The following MMUT variants were observed in gnomAD, a reference collection of about 807,000 sequenced individuals.
The protein encoded by MMUT is methylmalonyl-CoA mutase, mitochondrial.
A neutral mutation model predicts 79.9 loss-of-function variants in MMUT; 79 were observed. That is an observed-to-expected ratio of 0.99 (90% CI 0.82 to 1.19). The LOEUF is 1.19. MMUT is among the 50% of genes most tolerant of loss of function. The pLI is 0.00. For synonymous variants in MMUT, 273 were observed against 295.7 expected (o/e 0.92, Z 0.79); for missense variants, 860 against 917.2 (o/e 0.94, Z 0.81).
intron 5 of MMUT, 45 bp downstream of exon 5, chr6:49,453,539 TA>T (rs1342993946): frequency 2.0e-5 from 22 of 1,074,698 alleles, no homozygotes; most frequent in Non-Finnish European, 2.7e-5. Context: ...AAAAAATATA[TA>T]TATATAACTT....
intron 2 of MMUT, among the ~76,000 whole-genome samples, chr6:49,458,702 T>C (rs1767757139): frequency 6.6e-6 from 1 of 152,218 alleles, no homozygotes; most frequent in African/African-American, 2.4e-5. Flanking sequence ...ACTGAATATG[T>C]TTGTACCACG....
chr6:49,433,160 C>G (rs1046368762), intron 12 of MMUT, among the ~76,000 whole-genome samples: 23 of 152,122 alleles, frequency 1.5e-4, no homozygotes, highest in African/African-American at 5.6e-4. Context: ...GTAGATGATA[C>G]AGAGTTTAAG....
At chr6:49,453,410 T>A (rs1767606224) in intron 5 of MMUT, among the ~76,000 whole-genome samples, 175 bp downstream of exon 5, 1 of 151,954 alleles carries the variant, frequency 6.6e-6, no homozygotes, top group South Asian at 2.1e-4. Context: ...TATTTATTTA[T>A]TTATTATATT....
intron 12 of MMUT, among the ~76,000 whole-genome samples, chr6:49,433,706 C>T (rs1021210301): frequency 9.2e-5 from 14 of 152,144 alleles, no homozygotes; most frequent in African/African-American, 3.4e-4. Context: ...AACTGTTAAG[C>T]TCCACATGGC....
intron 11 of MMUT, among the ~76,000 whole-genome samples, chr6:49,438,774 G>A (rs1767197937): frequency 6.6e-6 from 1 of 152,090 alleles, no homozygotes. Flanking sequence ...CATCTAATCA[G>A]CTGCCAGGCG....
intron 2 of MMUT, 59 bp from the exon 3 acceptor site, chr6:49,458,117 T>C: frequency 1.3e-6 from 2 of 1,544,310 alleles, no homozygotes; most frequent in South Asian, 1.1e-5. Flanking sequence ...GGTAAAATGA[T>C]TTACTTTTAA....
intron 9 of MMUT, among the ~76,000 whole-genome samples, chr6:49,444,426 T>G (rs1767356252): frequency 6.6e-6 from 1 of 152,154 alleles, no homozygotes; most frequent in African/African-American, 2.4e-5. Context: ...TCAGCCACAG[T>G]AAAATACACA....
At chr6:49,447,199 A>G (rs889619881) in intron 8 of MMUT, among the ~76,000 whole-genome samples, 1 of 151,956 alleles carries the variant, frequency 6.6e-6, no homozygotes. Flanking sequence ...GAATTTTAAA[A>G]ATCAAAAAGC....
intron 9 of MMUT, among the ~76,000 whole-genome samples, chr6:49,442,740 G>T (rs570032548): frequency 1.3e-5 from 2 of 152,166 alleles, no homozygotes; most frequent in South Asian, 2.1e-4. Flanking sequence ...TAAAAGCAAA[G>T]GCTCTGAGAT....
rs756389945 is a variant in MMUT, at chr6:49,444,645, C to T, written c.1670G>A (p.Arg557Gln). 381 of 1,612,322 alleles carry T rather than the reference C, an allele frequency of 2.4e-4. No individual in the cohort carries two copies. Among genetic ancestry groups the T allele is most frequent in the East Asian group, 3.6e-4 (16 of 44,852 alleles). The change falls in exon 9 of 13, where the codon CGG becomes CAG. Residue 557 changes from arginine (R) to glutamine (Q), a missense_variant. Physicochemically the swap from Arg to Gln is conservative, Grantham distance 43. Transcript: ENST00000274813. ...CAAACTTATATATCTTCACCTTGCC[C>T]GAGATGCATCCACTGCAAGAGCCAG... ...NILALAVDAS[R>Q]ARCTVGEITD...
intron 1 of MMUT, among the ~76,000 whole-genome samples, chr6:49,461,089 T>C (rs1767828223): frequency 6.6e-6 from 1 of 152,182 alleles, no homozygotes; most frequent in Non-Finnish European, 1.5e-5. Flanking sequence ...CATATACAAA[T>C]GATAGAATTT....
intron 12 of MMUT, among the ~76,000 whole-genome samples, chr6:49,433,857 T>A (rs746255975): frequency 1.2e-4 from 19 of 152,212 alleles, no homozygotes; most frequent in Non-Finnish European, 2.4e-4. Context: ...TTAACTGCTA[T>A]AATTATATAA....
In MMUT at chr6:49,433,659, G is replaced by A. The variant is rs117258023; in HGVS notation, c.2124+1797C>T. Among the ~76,000 whole-genome samples, 84 of 152,210 alleles carry A rather than the reference G, an allele frequency of 5.5e-4. No individual in the cohort carries two copies. In the East Asian group the frequency reaches 0.016, roughly 29 times the overall value. On this transcript the variant is annotated intron_variant, in intron 12 of 12. Transcript: ENST00000274813. ...ACTGATCGTAGTAACATACTGATGAGGAGAGACCACGTTTATTCATTTAAT... is the reference window on the plus strand; with the variant it reads ...ACTGATCGTAGTAACATACTGATGAAGAGAGACCACGTTTATTCATTTAAT...
At chr6:49,433,768 A>G (rs1767049837) in intron 12 of MMUT, among the ~76,000 whole-genome samples, 1 of 152,338 alleles carries the variant, frequency 6.6e-6, no homozygotes, top group Admixed American at 6.5e-5. Context: ...TTCTAATTTA[A>G]AACTAAGTGA....
chr6:49,452,425 C>T (rs954076617), intron 5 of MMUT, among the ~76,000 whole-genome samples: 15 of 152,192 alleles, frequency 9.9e-5, no homozygotes, highest in Middle Eastern at 3.4e-3. Context: ...CTCTGCCTCC[C>T]GGGTTCACTC....
At chr6:49,459,560 G>T in intron 1 of MMUT, 55 bp from the exon 2 acceptor site, 1 of 1,331,322 alleles carries the variant, frequency 7.5e-7, no homozygotes, top group Non-Finnish European at 1.0e-6. Flanking sequence ...GGAAATAGGA[G>T]CTACTCATAA....
rs886061561 is a variant in MMUT at position 49,459,426 on chromosome 6, T to A, written c.41A>T (p.His14Leu). The change falls in exon 2 of 13, where the codon CAT becomes CTT. Residue 14 changes from histidine (H) to leucine (L), a missense_variant. His to Leu is a moderately conservative substitution (Grantham distance 99). Coordinates refer to ENST00000274813, the MANE Select transcript of MMUT (RefSeq NM_000255.4). ...AKNQLFLLSPHYLRQVKESSG... is the reference protein window; with the variant it reads ...AKNQLFLLSPLYLRQVKESSG... Reference sequence around the variant, plus strand: ...TGATTCTTTTACCTGCCTCAGGTAATGAGGTGAAAGTAAAAAAAGCTGATT... The same window carrying A: ...TGATTCTTTTACCTGCCTCAGGTAAAGAGGTGAAAGTAAAAAAAGCTGATT... 1.9e-6 allele frequency: 3 copies of A among 1,613,454 alleles called. No homozygotes were observed. The highest frequency in any genetic ancestry group is 1.1e-5 in the South Asian group (1 of 91,036).
Position 49,440,261 on chromosome 6 carries a change from A to T in MMUT, c.1901T>A (p.Ile634Asn). 6.2e-7 allele frequency: 1 copy of T among 1,614,128 alleles called. No individual in the cohort carries two copies. Among genetic ancestry groups the T allele is most frequent in the Non-Finnish European group, 8.5e-7 (1 of 1,179,982 alleles). The change falls in exon 11 of 13, where the codon ATT (isoleucine) becomes AAT (asparagine). Residue 634 changes from isoleucine to asparagine, a missense_variant. By Grantham distance (149) the Ile-to-Asn change is moderately radical (BLOSUM62 -3). Coordinates refer to ENST00000274813, the MANE Select transcript of MMUT (RefSeq NM_000255.4). ...QDGHDRGAKVIATGFADLGFD... is the reference protein window; with the variant it reads ...QDGHDRGAKVNATGFADLGFD... ...ACCAAGATCAGCAAATCCTGTAGCA[A>T]TAACTTTTGCTCCTCTGTCATGGCC... is the stretch of plus-strand genomic sequence containing the variant.
At chr6:49,445,841 A>T (rs560405484) in intron 8 of MMUT, among the ~76,000 whole-genome samples, 2 of 152,116 alleles carry the variant, frequency 1.3e-5, no homozygotes, top group South Asian at 4.1e-4. Context: ...AAAAAACTCA[A>T]CTCCAAATTC....
Sources: gnomAD v4.1 joint callset for allele counts (sites outside exome capture counted in the v4.1 genomes callset) on GRCh38, gnomAD v4.1.1 for gene constraint, MANE v1.5 for transcripts, NCBI Gene and HGNC (gene_info 2026-07-23, HGNC 2026-07-21) for gene names.